NDST3: variants seen among roughly 807,000 people sequenced by gnomAD.
The protein encoded by NDST3 is bifunctional heparan sulfate N-deacetylase/N-sulfotransferase 3.
Under a neutral mutation model 96.1 loss-of-function variants are expected in NDST3, and 58 were observed. The ratio of observed to expected loss-of-function variants is 0.60; its 90% CI spans 0.49 to 0.75. The LOEUF (loss-of-function observed/expected upper bound fraction) is 0.75. Ranked by LOEUF, NDST3 falls within the 30% of genes least tolerant of loss-of-function variation. The probability of loss-of-function intolerance (pLI) is 0.00; values close to 1 mark genes in which losing one functional copy is unlikely to be tolerated. For missense variants in NDST3, 788 were observed against 1,034.2 expected (o/e 0.76, Z 3.27); for synonymous variants, 333 against 359.7 (o/e 0.93, Z 0.84).
chr4:118,244,275 T>C (rs1173259498), intron 12 of NDST3, among the ~76,000 whole-genome samples: 1 of 152,232 alleles, frequency 6.6e-6, no homozygotes, highest in Non-Finnish European at 1.5e-5. Flanking sequence ...CTGAAACCTG[T>C]CTTCACAATT....
intron 6 of NDST3, among the ~76,000 whole-genome samples, chr4:118,188,496 C>T (rs1398444544): frequency 2.0e-5 from 3 of 151,888 alleles, no homozygotes; most frequent in Admixed American, 6.6e-5. Flanking sequence ...GTTGTTTCTC[C>T]GATTTAGGTG....
At chr4:118,170,687 C>T (rs1000114086) in intron 6 of NDST3, among the ~76,000 whole-genome samples, 1 of 152,094 alleles carries the variant, frequency 6.6e-6, no homozygotes, top group Non-Finnish European at 1.5e-5. Flanking sequence ...CGAGATCGCA[C>T]CACTGCACTC....
At position 118,125,454 on chromosome 4, in the gene NDST3, G is replaced by A. The variant is rs551136533; in HGVS notation, c.1224+10494G>A. Among the ~76,000 whole-genome samples the A allele has an allele frequency of 3.3e-5, 5 of 152,088 alleles. 1 individual carries two copies. In the South Asian group the frequency reaches 1.0e-3, roughly 32 times the overall value. On this transcript the variant is annotated intron_variant, in intron 4 of 13. Coordinates refer to ENST00000296499, the MANE Select transcript of NDST3 (RefSeq NM_004784.3). Reference sequence around the variant, plus strand: ...TTATAAATCAAGGAGCACCATGTAAGAAAACTAGAGAAATAGTTAGTGGTC... The same window carrying A: ...TTATAAATCAAGGAGCACCATGTAAAAAAACTAGAGAAATAGTTAGTGGTC...
At chr4:118,254,917 C>A (rs1393408443) in intron 13 of NDST3, among the ~76,000 whole-genome samples, 1 of 152,154 alleles carries the variant, frequency 6.6e-6, no homozygotes, top group Admixed American at 6.6e-5. Flanking sequence ...AAACAAACTG[C>A]ATTTTCAGAA....
intron 4 of NDST3, among the ~76,000 whole-genome samples, chr4:118,137,561 C>CT (rs1733213309): frequency 6.6e-6 from 1 of 152,118 alleles, no homozygotes; most frequent in African/African-American, 2.4e-5. Flanking sequence ...GGCCCACATG[C>CT]TGAAAGGACA....
At chr4:118,203,507 G>A (rs1738232563) in intron 6 of NDST3, among the ~76,000 whole-genome samples, 1 of 152,090 alleles carries the variant, frequency 6.6e-6, no homozygotes, top group South Asian at 2.1e-4. Flanking sequence ...GGTCTATTCA[G>A]GTTTTCAATC....
intron 6 of NDST3, among the ~76,000 whole-genome samples, chr4:118,183,771 C>A (rs1163555945): frequency 6.6e-6 from 1 of 152,210 alleles, no homozygotes; most frequent in Non-Finnish European, 1.5e-5. Flanking sequence ...CAGTCTAAAA[C>A]ATATTTACAT....
chr4:118,119,283 T>C (rs752532361), intron 4 of NDST3, among the ~76,000 whole-genome samples: 4 of 152,212 alleles, frequency 2.6e-5, no homozygotes, highest in Non-Finnish European at 4.4e-5. Context: ...AAGATTATAG[T>C]ATCAAAATGT....
At chr4:118,094,222 T>A (rs1454278209) in intron 2 of NDST3, among the ~76,000 whole-genome samples, 2 of 151,896 alleles carry the variant, frequency 1.3e-5, no homozygotes, top group East Asian at 3.9e-4. Context: ...ATTTTGCTTA[T>A]TTTTGCATCT....
At chr4:118,114,201 G>A (rs1469267104) in intron 3 of NDST3, among the ~76,000 whole-genome samples, 2 of 152,134 alleles carry the variant, frequency 1.3e-5, no homozygotes, top group Non-Finnish European at 2.9e-5. Flanking sequence ...TTTGATAGTG[G>A]TGACCATGAT....
At chr4:118,172,750 T>C (rs943063667) in intron 6 of NDST3, among the ~76,000 whole-genome samples, 7 of 152,098 alleles carry the variant, frequency 4.6e-5, no homozygotes, top group African/African-American at 1.4e-4. Context: ...CAAAGAATGA[T>C]TATTCCTATC....
At chr4:118,096,563 G>A (rs1729319149) in intron 2 of NDST3, among the ~76,000 whole-genome samples, 1 of 151,708 alleles carries the variant, frequency 6.6e-6, no homozygotes, top group Non-Finnish European at 1.5e-5. Flanking sequence ...AACTACCCTA[G>A]TCATGATATA....
intron 4 of NDST3, among the ~76,000 whole-genome samples, chr4:118,131,673 G>T (rs1732627264): frequency 6.6e-6 from 1 of 152,040 alleles, no homozygotes; most frequent in East Asian, 1.9e-4. Context: ...ATCTGTGTCT[G>T]GGCATAGAAT....
At chr4:118,173,670 A>T (rs1036987351) in intron 6 of NDST3, among the ~76,000 whole-genome samples, 1 of 152,182 alleles carries the variant, frequency 6.6e-6, no homozygotes, top group Non-Finnish European at 1.5e-5. Flanking sequence ...GGTAATCATC[A>T]TATTCAGTAC....
rs114404755 is a variant in NDST3, at chr4:118,248,676, G to A, written c.2400-4823G>A. Among the ~76,000 whole-genome samples the A allele has an allele frequency of 4.6e-3, 703 of 152,292 alleles. 11 individuals carry two copies. Among genetic ancestry groups the A allele is most frequent in the African/African-American group, 0.016 (678 of 41,552 alleles). The stretch of plus-strand genomic sequence containing the variant: ...TGAAGGCCTTGAAAGGAGGGCCCCA[G>A]CCATGACAATGGTTGCCAGTGCTTA... On this transcript the variant is annotated intron_variant, in intron 12 of 13. Transcript: ENST00000296499.
At chr4:118,129,991 A>G (rs979584346) in intron 4 of NDST3, among the ~76,000 whole-genome samples, 2 of 152,078 alleles carry the variant, frequency 1.3e-5, no homozygotes, top group Non-Finnish European at 2.9e-5. Flanking sequence ...TTTGTTTGAT[A>G]TAAGGATAAC....
Position 118,242,061 on chromosome 4 carries a change from C to T in NDST3, c.2311C>T (p.Gln771Ter). Residue 771 changes from glutamine to a stop codon, truncating the protein, a stop_gained, in exon 12 of 14, where the codon CAA becomes TAA. Transcript: ENST00000296499. LOFTEE classifies it high-confidence loss of function. ...PFQLLIIDGQ[Q>*]LRTDPATVMD... ...TTAGTTGCTAATTATTGATGGGCAA[C>T]AACTAAGAACTGATCCTGCTACAGT... 6.2e-7 allele frequency: 1 copy of T among 1,610,492 alleles called. No homozygotes were observed. The highest frequency in any genetic ancestry group is 8.5e-7 in the Non-Finnish European group (1 of 1,177,990).
chr4:118,237,087 A>T lies in NDST3; in HGVS notation c.1985A>T (p.Asp662Val). 6.2e-7 allele frequency: 1 copy of T among 1,612,010 alleles called. No individual in the cohort carries two copies. The highest frequency in any genetic ancestry group is 8.5e-7 in the Non-Finnish European group (1 of 1,178,932). ...CCAGTCCCATCTAATGTCACTACCGACTTTTTGTTTGAGAAGAGTGCCAAT... is the reference window on the plus strand; with the variant it reads ...CCAGTCCCATCTAATGTCACTACCGTCTTTTTGTTTGAGAAGAGTGCCAAT... The part of the protein sequence containing the change: ...FFPVPSNVTT[D>V]FLFEKSANYF... Residue 662 changes from aspartate (D) to valine (V), a missense_variant, in exon 10 of 14, where the codon GAC (aspartate) becomes GTC (valine). This residue lies in a region of NDST3 where 490 missense variants were observed against 708.8 expected (regional missense o/e 0.69). Coordinates refer to ENST00000296499, the MANE Select transcript of NDST3 (RefSeq NM_004784.3).
intron 6 of NDST3, among the ~76,000 whole-genome samples, chr4:118,157,428 G>GTTTTT (rs35472465): frequency 1.6e-5 from 2 of 128,064 alleles, no homozygotes; most frequent in African/African-American, 5.5e-5. Flanking sequence ...TTTTGTTTTT[G>GTTTTT]TTTTTTTTTT....
Sources: gnomAD v4.1 joint callset for allele counts (sites outside exome capture counted in the v4.1 genomes callset) on GRCh38, gnomAD v4.1.1 for gene constraint, gnomAD v4.1.1 regional missense constraint, MANE v1.5 for transcripts, NCBI Gene and HGNC (gene_info 2026-07-23, HGNC 2026-07-21) for gene names.